RBFOX1: variants seen among roughly 807,000 people sequenced by gnomAD.
RBFOX1 encodes RNA binding protein fox-1 homolog 1.
RBFOX1 carries 8 observed loss-of-function variants against 57.7 expected under a neutral mutation model. The ratio of observed to expected loss-of-function variants is 0.14; its 90% CI spans 0.08 to 0.25. The LOEUF is 0.25. Among genes scored for constraint, RBFOX1 ranks in the 10% least tolerant of loss-of-function variants. RBFOX1 has a pLI of 1.00. For synonymous variants in RBFOX1, 326 were observed against 222.4 expected, an observed-to-expected ratio of 1.47 and a Z score of -4.15; for missense variants, 611 against 548.5, an observed-to-expected ratio of 1.11 and a Z score of -1.14.
intron 2 of RBFOX1, among the ~76,000 whole-genome samples, chr16:6,481,152 ACT>A (rs2095365647): frequency 6.6e-6 from 1 of 151,944 alleles, no homozygotes; most frequent in African/African-American, 2.4e-5. Flanking sequence ...CTCATGGGAG[ACT>A]CTACTGCCAT....
intron 3 of RBFOX1, among the ~76,000 whole-genome samples, chr16:6,911,084 C>T (rs1160442154): frequency 2.0e-5 from 3 of 151,912 alleles, no homozygotes; most frequent in South Asian, 2.1e-4. Context: ...ACCTGTAATC[C>T]CAGCTACTCG....
intron 5 of RBFOX1, among the ~76,000 whole-genome samples, chr16:7,533,413 T>A (rs2080635280): frequency 6.6e-6 from 1 of 151,530 alleles, no homozygotes; most frequent in Non-Finnish European, 1.5e-5. Context: ...GCCCTGCATT[T>A]TTTAAAAAAA....
intron 3 of RBFOX1, among the ~76,000 whole-genome samples, chr16:6,891,788 C>T (rs1231033829): frequency 2.0e-5 from 3 of 152,112 alleles, no homozygotes; most frequent in African/African-American, 7.2e-5. Context: ...TTCCTGCTGC[C>T]CAAAATAGAG....
At chr16:7,139,176 C>CTCTGTGTGTGTGTGTGTGTGTG (rs372381673) in intron 4 of RBFOX1, among the ~76,000 whole-genome samples, 4 of 145,792 alleles carry the variant, frequency 2.7e-5, no homozygotes, top group African/African-American at 7.7e-5. Context: ...CAATCTCTCT[C>CTCTGTGTGTGTGTGTGTGTGTG]TGTGTGTGTG....
At chr16:6,670,785 C>G (rs1386389546) in intron 3 of RBFOX1, among the ~76,000 whole-genome samples, 1 of 152,030 alleles carries the variant, frequency 6.6e-6, no homozygotes, top group African/African-American at 2.4e-5. Flanking sequence ...ATCACAAGGT[C>G]AGGAGATCGA....
chr16:6,643,355 A>G (rs534363745), intron 2 of RBFOX1, among the ~76,000 whole-genome samples: 21 of 152,298 alleles, frequency 1.4e-4, no homozygotes, highest in African/African-American at 4.6e-4. Flanking sequence ...ATCACTGCAA[A>G]CATTTTATAC....
chr16:6,104,891 C>G (rs2096359967), intron 1 of RBFOX1, among the ~76,000 whole-genome samples: 1 of 152,142 alleles, frequency 6.6e-6, no homozygotes, highest in Non-Finnish European at 1.5e-5. Context: ...AAAGGCAAAC[C>G]TAACGTTGAT....
chr16:6,042,079 C>G (rs28504388), intron 1 of RBFOX1, among the ~76,000 whole-genome samples: 1 of 151,232 alleles, frequency 6.6e-6, no homozygotes, highest in Non-Finnish European at 1.5e-5. Context: ...TCTCCACAGT[C>G]TCATCTCCTG....
chr16:6,672,553 A>G (rs1034867769), intron 3 of RBFOX1, among the ~76,000 whole-genome samples: 1 of 148,398 alleles, frequency 6.7e-6, no homozygotes, highest in Non-Finnish European at 1.5e-5. Context: ...GAAAGAAAAG[A>G]AAAGAAAAGA....
At chr16:7,479,527 G>T (rs965028777) in intron 4 of RBFOX1, among the ~76,000 whole-genome samples, 2 of 152,148 alleles carry the variant, frequency 1.3e-5, no homozygotes. Flanking sequence ...CTATGGGAAA[G>T]GACTCAAGAG....
At chr16:7,362,310 G>T (rs200550590) in intron 4 of RBFOX1, among the ~76,000 whole-genome samples, 4 of 113,090 alleles carry the variant, frequency 3.5e-5, no homozygotes, top group South Asian at 5.9e-4. Context: ...GTGTGTTTGC[G>T]TGTGTGTGTG....
intron 4 of RBFOX1, among the ~76,000 whole-genome samples, chr16:7,278,850 G>C (rs916131029): frequency 6.6e-6 from 1 of 152,174 alleles, no homozygotes; most frequent in Non-Finnish European, 1.5e-5. Flanking sequence ...GGCCAAGGCT[G>C]TCTTGTTCTC....
chr16:6,259,755 C>G (rs762741413), intron 1 of RBFOX1, among the ~76,000 whole-genome samples: 3 of 151,934 alleles, frequency 2.0e-5, no homozygotes, highest in Non-Finnish European at 4.4e-5. Flanking sequence ...GTCAGGAGTT[C>G]GAGACCAGCC....
intron 2 of RBFOX1, among the ~76,000 whole-genome samples, chr16:6,638,538 A>G (rs1602305058): frequency 6.6e-6 from 1 of 152,326 alleles, no homozygotes; most frequent in African/African-American, 2.4e-5. Flanking sequence ...TGTCAAACTT[A>G]GAAATATTGC....
chr16:7,659,827 T>C (rs1198192636), intron 12 of RBFOX1, among the ~76,000 whole-genome samples: 1 of 152,188 alleles, frequency 6.6e-6, no homozygotes, highest in African/African-American at 2.4e-5. Flanking sequence ...AAGTGGTCTT[T>C]AAAGCCTTTT....
At chr16:7,707,056 C>T (rs1251441259) in intron 14 of RBFOX1, among the ~76,000 whole-genome samples, 1 of 152,186 alleles carries the variant, frequency 6.6e-6, no homozygotes, top group Non-Finnish European at 1.5e-5. Flanking sequence ...AGATGACTGT[C>T]AGTTTCACTG....
intron 1 of RBFOX1, among the ~76,000 whole-genome samples, chr16:6,295,231 G>A (rs370686921): frequency 2.7e-5 from 4 of 150,570 alleles, no homozygotes; most frequent in African/African-American, 9.8e-5. Flanking sequence ...TCAAGTGATT[G>A]TCGTGCCTCA....
chr16:6,191,131 T>G (rs1351766408), intron 1 of RBFOX1, among the ~76,000 whole-genome samples: 2 of 688 alleles, frequency 2.9e-3, no homozygotes, highest in African/African-American at 3.8e-3. Flanking sequence ...CGTCTGTGGT[T>G]TTTTTTTTTT....
chr16:5,513,215 T>C (rs2043669373), intron 2 of RBFOX1, among the ~76,000 whole-genome samples: 1 of 152,108 alleles, frequency 6.6e-6, no homozygotes, highest in South Asian at 2.1e-4. Flanking sequence ...CCCGGCTACT[T>C]TCCTTGTTTT....
Sources: allele counts gnomAD v4.1 joint callset (sites outside exome capture counted in the v4.1 genomes callset), GRCh38; gene constraint gnomAD v4.1.1; transcripts MANE v1.5; gene names NCBI Gene and HGNC (gene_info 2026-07-23, HGNC 2026-07-21).